The following ANKRD17 variants were observed in gnomAD, a reference collection of about 807,000 sequenced individuals.
The protein encoded by ANKRD17 is ankyrin repeat domain 17.
In ANKRD17, 19 loss-of-function variants were observed where a neutral mutation model predicts 229.7. That is an observed-to-expected ratio of 0.08 (90% CI 0.06 to 0.12). The LOEUF (loss-of-function observed/expected upper bound fraction) is 0.12. ANKRD17 is among the 10% of genes least tolerant of loss of function. The probability of loss-of-function intolerance (pLI) is 1.00; values close to 1 mark genes in which losing one functional copy is unlikely to be tolerated. For missense variants in ANKRD17, 2,176 were observed against 3,176.8 expected (o/e 0.68, Z 7.57); for synonymous variants, 1,112 against 1,146.1 (o/e 0.97, Z 0.60).
chr4:73,109,608 T>C (rs1725056465), intron 24 of ANKRD17, among the ~76,000 whole-genome samples: 1 of 152,058 alleles, frequency 6.6e-6, no homozygotes, highest in Non-Finnish European at 1.5e-5. Flanking sequence ...TCTAAATGAA[T>C]GGAAGACTAA....
chr4:73,205,282 C>T, intron 1 of ANKRD17, among the ~76,000 whole-genome samples: 1 of 152,100 alleles, frequency 6.6e-6, no homozygotes, highest in East Asian at 1.9e-4. Context: ...CATGCCACTG[C>T]ACTCCAGCCT....
intron 1 of ANKRD17, 151 bp downstream of exon 1, chr4:73,258,125 T>C: frequency 7.2e-7 from 1 of 1,384,716 alleles, no homozygotes; most frequent in Non-Finnish European, 9.7e-7. Flanking sequence ...CACCTCACGA[T>C]TTAGGCCGAG....
chr4:73,204,464 T>C lies in ANKRD17; in HGVS notation c.394-26931A>G, dbSNP rs377259465. Among the ~76,000 whole-genome samples the C allele has an allele frequency of 2.8e-3, 407 of 146,114 alleles. 3 individuals are homozygous for C. The highest frequency in any genetic ancestry group is 9.3e-3 in the African/African-American group (367 of 39,486). On this transcript the variant is annotated intron_variant, in intron 1 of 33. Transcript: ENST00000358602. ...AATATGCTTCAAAAATAAGGGAAAATAGATATTCTCAAACAAAATCTGAAG... is the reference window on the plus strand; with the variant it reads ...AATATGCTTCAAAAATAAGGGAAAACAGATATTCTCAAACAAAATCTGAAG...
intron 1 of ANKRD17, among the ~76,000 whole-genome samples, chr4:73,252,020 A>G (rs942452875): frequency 1.3e-5 from 2 of 152,246 alleles, no homozygotes; most frequent in East Asian, 3.8e-4. Context: ...TCTACTGTAA[A>G]TAATAGCTGC....
intron 18 of ANKRD17, among the ~76,000 whole-genome samples, chr4:73,123,885 T>C (rs184539742): frequency 2.2e-4 from 34 of 151,890 alleles, no homozygotes; most frequent in Non-Finnish European, 3.7e-4. Flanking sequence ...CCTTTACATA[T>C]AATATTTTAA....
At chr4:73,143,745 C>CT (rs374036931) in intron 11 of ANKRD17, among the ~76,000 whole-genome samples, 72 of 151,830 alleles carry the variant, frequency 4.7e-4, no homozygotes, top group Middle Eastern at 3.4e-3. Flanking sequence ...TGGCCTACAT[C>CT]TTTTTTTTGT....
At chr4:73,193,226 T>C (rs998779956) in intron 1 of ANKRD17, among the ~76,000 whole-genome samples, 2 of 152,214 alleles carry the variant, frequency 1.3e-5, no homozygotes, top group African/African-American at 2.4e-5. Flanking sequence ...TTCATAAATG[T>C]TGTAGCATGC....
chr4:73,246,521 G>GT (rs934555170), intron 1 of ANKRD17, among the ~76,000 whole-genome samples: 2 of 152,142 alleles, frequency 1.3e-5, no homozygotes, highest in Non-Finnish European at 2.9e-5. Context: ...TGCACAAATG[G>GT]TAGGTGGCCA....
At chr4:73,128,066 A>G (rs1246221058) in intron 16 of ANKRD17, among the ~76,000 whole-genome samples, 1 of 152,260 alleles carries the variant, frequency 6.6e-6, no homozygotes, top group Non-Finnish European at 1.5e-5. Flanking sequence ...GGAGAAGGAC[A>G]TGAAACTTAA....
chr4:73,077,400 G>A lies in ANKRD17; in HGVS notation c.7542C>T (p.Phe2514=), dbSNP rs200902356. The change falls in exon 32 of 34, where the codon TTC becomes TTT. Residue 2514 remains phenylalanine (F), a synonymous_variant. Transcript: ENST00000358602. ...STGIVTPSGT[F]HQHVPAGYMD... is the part of the protein sequence containing the mutation. ...TGTAGCCTGCAGGAACATGCTGATGGAATGTACCAGAAGGAGTTACAATTC... is the reference window on the plus strand; with the variant it reads ...TGTAGCCTGCAGGAACATGCTGATGAAATGTACCAGAAGGAGTTACAATTC... 1.2e-6 allele frequency: 2 copies of A among 1,613,552 alleles called. No homozygotes were observed. Among genetic ancestry groups the A allele is most frequent in the African/African-American group, 1.3e-5 (1 of 75,008 alleles).
intron 1 of ANKRD17, among the ~76,000 whole-genome samples, chr4:73,226,132 C>A (rs967093991): frequency 2.0e-5 from 3 of 150,514 alleles, no homozygotes; most frequent in Admixed American, 1.3e-4. Flanking sequence ...CGTGCCACCA[C>A]GCCCATCTAA....
At position 73,120,388 on chromosome 4, in the gene ANKRD17, T is replaced by A. The variant is rs565929150; in HGVS notation, c.3850-51A>T. 2.0e-6 allele frequency: 3 copies of A among 1,529,752 alleles called. No homozygotes were observed. The African/African-American group carries it at 4.2e-5, about 21-fold the overall frequency. The allele number at this position is 1,529,752 out of a possible 1,614,324, so 94.8% of individuals were successfully genotyped here. A position where few individuals can be genotyped will look rare whatever the true frequency, so the allele number is the denominator to read the frequency against. On this transcript the variant is annotated intron_variant, in intron 20 of 33. Coordinates refer to ENST00000358602, the MANE Select transcript of ANKRD17 (RefSeq NM_032217.5). The stretch of plus-strand genomic sequence containing the variant: ...AATGACACGTAAGAGACTGGAAAGA[T>A]CTAAAATTGTAAAGAATAACAACTT...
rs535613768 is a variant in ANKRD17, at chr4:73,140,061, T to C, written c.2555A>G (p.Asn852Ser). Residue 852 changes from asparagine to serine, a missense_variant, in exon 15 of 34, where the codon AAC becomes AGC. Around this residue, in one of 18 missense-constraint regions of ANKRD17, gnomAD observed 275 missense variants for 386.9 expected, o/e 0.71. Coordinates refer to ENST00000358602, the MANE Select transcript of ANKRD17 (RefSeq NM_032217.5). ...QLTKEKIEEL[N>S]KTREEQIQKK... ...CTGAATTTGTTCCTCCCTTGTTTTG[T>C]TGAGCTCCTCGATCTTCTCCTTGGT... The C allele has an allele frequency of 4.3e-6, 7 of 1,614,248 alleles. No homozygotes were observed. The highest frequency in any genetic ancestry group is 1.1e-5 in the South Asian group (1 of 91,086).
intron 29 of ANKRD17, among the ~76,000 whole-genome samples, chr4:73,088,998 C>G (rs1034432111): frequency 2.0e-5 from 3 of 151,780 alleles, no homozygotes; most frequent in African/African-American, 7.3e-5. Flanking sequence ...TCTACAAACA[C>G]TGAAATTAAA....
intron 3 of ANKRD17, among the ~76,000 whole-genome samples, chr4:73,160,537 C>G (rs1732396409): frequency 6.6e-6 from 1 of 151,962 alleles, no homozygotes; most frequent in Admixed American, 6.6e-5. Flanking sequence ...CAATATACAT[C>G]CATAATTGTG....
Position 73,076,307 on chromosome 4 carries a change from T to C in ANKRD17, c.7753-17A>G, listed in dbSNP as rs775409875. On this transcript the variant is annotated splice_polypyrimidine_tract_variant and intron_variant, in intron 33 of 33. Transcript: ENST00000358602. ...AGTCCACACCTATGAATATAGAGCA[T>C]GCATTTTACAAAATATATATCTAGC... is the stretch of plus-strand genomic sequence containing the variant. 6.7e-5 allele frequency: 105 copies of C among 1,563,578 alleles called. No individual in the cohort carries two copies. Among genetic ancestry groups the C allele is most frequent in the Non-Finnish European group, 8.1e-5 (94 of 1,157,260 alleles).
intron 1 of ANKRD17, among the ~76,000 whole-genome samples, chr4:73,241,243 A>T (rs2149261674): frequency 6.6e-6 from 1 of 152,348 alleles, no homozygotes; most frequent in East Asian, 1.9e-4. Context: ...CAACTGATTA[A>T]CTATTTGGAA....
Position 73,155,737 on chromosome 4 carries a change from G to A in ANKRD17, c.894C>T (p.Ile298=). 6.2e-7 allele frequency: 1 copy of A among 1,614,066 alleles called. No homozygotes were observed. The highest frequency in any genetic ancestry group is 2.2e-5 in the East Asian group (1 of 44,868). The change falls in exon 5 of 34, where the codon ATC becomes ATT. Residue 298 remains isoleucine (I), a synonymous_variant. Coordinates refer to ENST00000358602, the MANE Select transcript of ANKRD17 (RefSeq NM_032217.5). The part of the protein sequence containing the change: ...AMHANVEDRG[I]KGDITPLMAA... ...CCATTAAAGGTGTAATGTCACCTTT[G>A]ATTCCCCTATCTTCCACATTTGCAT...
intron 30 of ANKRD17, among the ~76,000 whole-genome samples, chr4:73,083,319 G>A (rs1413640084): frequency 1.3e-5 from 2 of 152,104 alleles, no homozygotes; most frequent in Admixed American, 6.5e-5. Flanking sequence ...TAACCTATTA[G>A]GTATTTGACA....
Sources: gnomAD v4.1 joint callset for allele counts (sites outside exome capture counted in the v4.1 genomes callset) on GRCh38, gnomAD v4.1.1 for gene constraint, gnomAD v4.1.1 regional missense constraint, MANE v1.5 for transcripts, NCBI Gene and HGNC (gene_info 2026-07-23, HGNC 2026-07-21) for gene names.